The following MYOM2 variants were observed in gnomAD, a reference collection of about 807,000 sequenced individuals.
MYOM2 encodes myomesin-2.
Under a neutral mutation model 187.6 loss-of-function variants are expected in MYOM2, and 254 were observed. The ratio of observed to expected loss-of-function variants is 1.35; its 90% confidence interval spans 1.22 to 1.50. The LOEUF is 1.50. Among genes scored for constraint, MYOM2 ranks in the 40% most tolerant of loss-of-function variants. The probability of loss-of-function intolerance (pLI) is 0.00; values close to 1 mark genes in which losing one functional copy is unlikely to be tolerated. For missense variants in MYOM2, 2,796 were observed against 1,924.0 expected (o/e 1.45, Z -8.48); for synonymous variants, 981 against 753.8 (o/e 1.30, Z -4.94).
intron 32 of MYOM2, among the ~76,000 whole-genome samples, chr8:2,138,933 A>G (rs569794221): frequency 2.0e-5 from 3 of 151,888 alleles, no homozygotes; most frequent in East Asian, 2.0e-4. Context: ...CCCACTTTCT[A>G]TCCGGACAGA....
chr8:2,058,651 A>G (rs186500745), intron 5 of MYOM2, among the ~76,000 whole-genome samples: 89 of 152,276 alleles, frequency 5.8e-4, no homozygotes, highest in African/African-American at 2.1e-3. Flanking sequence ...TGATGGCTGG[A>G]TCCTGAGGTT....
At chr8:2,106,970 A>C (rs1420124470) in intron 23 of MYOM2, among the ~76,000 whole-genome samples, 1 of 152,214 alleles carries the variant, frequency 6.6e-6, no homozygotes, top group African/African-American at 2.4e-5. Context: ...ACACTGAGAA[A>C]TCAGATGATC....
At chr8:2,045,400 C>CTTTG (rs1818279141) in intron 1 of MYOM2, among the ~76,000 whole-genome samples, 1 of 152,184 alleles carries the variant, frequency 6.6e-6, no homozygotes, top group Admixed American at 6.5e-5. Context: ...CAGCCGTGGT[C>CTTTG]TTTGCTAAGT....
chr8:2,072,726 G>A (rs531715928), intron 9 of MYOM2, among the ~76,000 whole-genome samples: 62 of 152,336 alleles, frequency 4.1e-4, no homozygotes, highest in African/African-American at 1.5e-3. Context: ...ACCTAGAGCA[G>A]CCACTTAGAG....
chr8:2,140,132 C>T (rs530066082), intron 32 of MYOM2, among the ~76,000 whole-genome samples: 2 of 152,222 alleles, frequency 1.3e-5, no homozygotes, highest in South Asian at 4.1e-4. Flanking sequence ...ATCTGACTAC[C>T]CTAAGCCCTT....
chr8:2,050,595 G>T (rs1022594934), intron 1 of MYOM2, among the ~76,000 whole-genome samples, 160 bp from the exon 2 acceptor site: 1 of 152,180 alleles, frequency 6.6e-6, no homozygotes, highest in Non-Finnish European at 1.5e-5. Flanking sequence ...CCTGACTGCT[G>T]GTCTAAGGTG....
rs138877703 is a variant in MYOM2 at position 2,117,910 on chromosome 8, C to T, written c.3411C>T (p.His1137=). The T allele has an allele frequency of 2.5e-6, 4 of 1,613,036 alleles. No individual in the cohort carries two copies. In the African/African-American group the frequency reaches 5.3e-5, roughly 22 times the overall value. Residue 1137 remains histidine, a synonymous_variant, in exon 28 of 37, where the codon CAC becomes CAT. Transcript: ENST00000262113. ...KQGPHFAEYL[H]WDVTEECEVR... ...GCCCTCATTTTGCTGAGTACTTGCACTGGGATGTCACGGAAGAATGTGAAG... is the reference window on the plus strand; with the variant it reads ...GCCCTCATTTTGCTGAGTACTTGCATTGGGATGTCACGGAAGAATGTGAAG...
rs772890427 is a variant in MYOM2, at chr8:2,069,262, T to C, written c.654-16T>C. On this transcript the variant is annotated splice_polypyrimidine_tract_variant and intron_variant, in intron 6 of 36. Coordinates refer to ENST00000262113, the MANE Select transcript of MYOM2 (RefSeq NM_003970.4). ...CAACAGTCCCGCAGACTTTCTCTTG[T>C]TTTTTTCTCTCCAAGGGCAGACTTT... The C allele has an allele frequency of 6.2e-7, 1 of 1,602,666 alleles. No individual in the cohort carries two copies. The highest frequency in any genetic ancestry group is 8.5e-7 in the Non-Finnish European group (1 of 1,172,910).
chr8:2,064,666 A>G (rs1289321583), intron 6 of MYOM2, among the ~76,000 whole-genome samples: 2 of 152,310 alleles, frequency 1.3e-5, no homozygotes, highest in East Asian at 3.9e-4. Flanking sequence ...CTCCCCTGGG[A>G]TCTTAATGCC....
intron 13 of MYOM2, among the ~76,000 whole-genome samples, chr8:2,081,171 TTC>T (rs1819612849): frequency 9.9e-6 from 1 of 100,936 alleles, no homozygotes; most frequent in Non-Finnish European, 2.1e-5. Flanking sequence ...TGAGGTTTGG[TTC>T]TGGCCTGCGG....
At chr8:2,138,488 C>G (rs1294852232) in intron 32 of MYOM2, among the ~76,000 whole-genome samples, 2 of 152,212 alleles carry the variant, frequency 1.3e-5, no homozygotes, top group African/African-American at 2.4e-5. Context: ...TCTCCCGCCT[C>G]TTTCCGGGGA....
rs916513449 is a variant in MYOM2 at position 2,106,291 on chromosome 8, G to A, written c.2784G>A (p.Leu928=). 2.5e-6 allele frequency: 4 copies of A among 1,614,136 alleles called. No individual in the cohort carries two copies. Among genetic ancestry groups the A allele is most frequent in the Non-Finnish European group, 3.4e-6 (4 of 1,180,014 alleles). The change falls in exon 22 of 37, where the codon CTG becomes CTA. Residue 928 remains leucine, a synonymous_variant. Transcript: ENST00000262113. ...AGVDEQGNIY[L]GFDCQEMTDA... ...TCGATGAACAAGGCAACATCTATCT[G>A]GGCTTCGACTGCCAGGAAATGACAG... is the stretch of plus-strand genomic sequence containing the variant.
intron 6 of MYOM2, among the ~76,000 whole-genome samples, chr8:2,062,639 C>T (rs1818889580): frequency 6.6e-6 from 1 of 152,120 alleles, no homozygotes; most frequent in South Asian, 2.1e-4. Flanking sequence ...CCTTGGATTT[C>T]CGAAAGTTGT....
intron 13 of MYOM2, 121 bp from the exon 14 acceptor site, chr8:2,085,142 C>T: frequency 1.6e-6 from 2 of 1,273,532 alleles, no homozygotes; most frequent in East Asian, 2.4e-5. Context: ...TGTTTGACTT[C>T]CCCAAATAGA....
At position 2,101,140 on chromosome 8, in the gene MYOM2, G is replaced by C. The variant is rs1796696845; in HGVS notation, c.2619+86G>C. 2.2e-6 allele frequency: 3 copies of C among 1,361,940 alleles called. No homozygotes were observed. The South Asian group carries it at 4.0e-5, about 18-fold the overall frequency. The allele number at this position is 1,361,940 out of a possible 1,614,324, so 84.4% of individuals were successfully genotyped here. ...GCGGGCCAATCACTTGAGGTCAGGA[G>C]TTCGAAACCAGCCTGGCCAACATGG... is the stretch of plus-strand genomic sequence containing the variant. On this transcript the variant is annotated intron_variant, in intron 20 of 36. Coordinates refer to ENST00000262113, the MANE Select transcript of MYOM2 (RefSeq NM_003970.4).
chr8:2,094,702 C>T (rs1284353068), intron 17 of MYOM2, among the ~76,000 whole-genome samples: 1 of 152,186 alleles, frequency 6.6e-6, no homozygotes, highest in Non-Finnish European at 1.5e-5. Context: ...AAAATATGTG[C>T]TAAAATACAG....
intron 6 of MYOM2, among the ~76,000 whole-genome samples, chr8:2,059,742 C>CG (rs536883784): frequency 1.5e-5 from 2 of 131,150 alleles, no homozygotes; most frequent in Non-Finnish European, 3.2e-5. Flanking sequence ...GACACACACA[C>CG]TTTTTTTTTT....
Position 2,069,361 on chromosome 8 carries a change from TGAG to T in MYOM2, c.738_740del (p.Arg248del). 1 of 1,613,998 alleles carries T rather than the reference TGAG, an allele frequency of 6.2e-7. No homozygotes were observed. The highest frequency in any genetic ancestry group is 8.5e-7 in the Non-Finnish European group (1 of 1,179,918). On this transcript the variant is annotated inframe_deletion and splice_region_variant, in exon 7 of 37. Transcript: ENST00000262113. ...GTGTCCACCAACGCGGCGGTGGTGG[TGAG>T]AAGTGAGTGCCGGGTGGGCTTTCAC... is the stretch of plus-strand genomic sequence containing the variant.
In MYOM2 at chr8:2,129,175, G is replaced by A. The variant is rs771545765; in HGVS notation, c.3743G>A (p.Arg1248Gln). ...LKVLCTPEGI[R>Q]LQCFMKYFTD... is the part of the protein sequence containing the mutation. Reference sequence around the variant, plus strand: ...GTACTCTGCACCCCAGAAGGAATACGACTTCAGTGTTTCATGAAGTATTTT... The same window carrying A: ...GTACTCTGCACCCCAGAAGGAATACAACTTCAGTGTTTCATGAAGTATTTT... Residue 1248 changes from arginine (R) to glutamine (Q), a missense_variant, in exon 32 of 37, where the codon CGA becomes CAA. Transcript: ENST00000262113. 6.2e-6 allele frequency: 10 copies of A among 1,612,172 alleles called. No individual in the cohort carries two copies. The highest frequency in any genetic ancestry group is 7.6e-6 in the Non-Finnish European group (9 of 1,178,326).
Sources: gnomAD v4.1 joint callset for allele counts (sites outside exome capture counted in the v4.1 genomes callset) on GRCh38, gnomAD v4.1.1 for gene constraint, MANE v1.5 for transcripts, NCBI Gene and HGNC (gene_info 2026-07-23, HGNC 2026-07-21) for gene names.